Variants in PCDH11X observed in about 807,000 individuals in gnomAD.
PCDH11X encodes the protein protocadherin-11 X-linked.
In PCDH11X, 18 loss-of-function variants were observed where a neutral mutation model predicts 53.3. The ratio of observed to expected loss-of-function variants is 0.34; its 90% CI spans 0.23 to 0.50. The LOEUF (loss-of-function observed/expected upper bound fraction) is 0.50. PCDH11X is among the 20% of genes least tolerant of loss of function. PCDH11X has a pLI of 0.98. For synonymous variants in PCDH11X, 279 were observed against 393.3 expected, an observed-to-expected ratio of 0.71 and a Z score of 3.44; for missense variants, 570 against 1,032.4, an observed-to-expected ratio of 0.55 and a Z score of 6.14.
At chrX:92,565,718 T>C (rs1921393738) in intron 10 of PCDH11X, among the ~76,000 whole-genome samples, 1 of 107,689 alleles carries the variant, frequency 9.3e-6, no homozygotes, top group East Asian at 2.9e-4. Flanking sequence ...TAAGACCTAC[T>C]ATTTGATAGA....
chrX:92,100,367 G>T (rs377452519), intron 6 of PCDH11X, among the ~76,000 whole-genome samples: 1 of 110,390 alleles, frequency 9.1e-6, no homozygotes, highest in African/African-American at 3.3e-5. Context: ...GGGTGGGGCC[G>T]TTTGATAGGA....
Position 92,581,900 on chromosome X carries a change from G to A in PCDH11X, c.3368-36364G>A, listed in dbSNP as rs747940776. Among the ~76,000 whole-genome samples, 9 of 102,378 alleles carry A rather than the reference G, an allele frequency of 8.8e-5. No individual in the cohort carries two copies. The South Asian group carries it at 4.3e-3, about 49-fold the overall frequency. The allele number at this position is 102,378 out of a possible 115,157, so 88.9% of individuals were successfully genotyped here. ...GGAACTTGTTGAACACTGGAGTAAA[G>A]GTGACTCTTGCTATGTTTTAGCAAA... On this transcript the variant is annotated intron_variant, in intron 10 of 10. Transcript: ENST00000682573.
At chrX:91,856,879 C>A (rs1257080026) in intron 5 of PCDH11X, among the ~76,000 whole-genome samples, 1 of 111,743 alleles carries the variant, frequency 8.9e-6, no homozygotes, top group Admixed American at 9.5e-5. Context: ...GATTCCACAT[C>A]TTTGCTATTG....
At position 92,423,654 on chromosome X, in the gene PCDH11X, G is replaced by A. The variant is rs777890999; in HGVS notation, c.3343+35721G>A. ...GATTTAAGTCCTTGTTGCATCTTAA[G>A]TTGATTTTTATAAAAAGTGAGAGAT... is the stretch of plus-strand genomic sequence containing the variant. On this transcript the variant is annotated intron_variant, in intron 9 of 10. Coordinates refer to ENST00000682573, the MANE Select transcript of PCDH11X (RefSeq NM_032968.5). Among the ~76,000 whole-genome samples the A allele has an allele frequency of 6.1e-4, 57 of 93,960 alleles. 9 individuals carry two copies. Among genetic ancestry groups the A allele is most frequent in the South Asian group, 4.2e-3 (9 of 2,147 alleles). The allele number at this position is 93,960 out of a possible 115,157, so 81.6% of individuals were successfully genotyped here.
At chrX:92,613,350 T>A (rs1251581346) in intron 10 of PCDH11X, among the ~76,000 whole-genome samples, 1 of 111,009 alleles carries the variant, frequency 9.0e-6, no homozygotes, top group Admixed American at 9.6e-5. Context: ...CCTTTGCCTA[T>A]GGAACATAGT....
At chrX:92,210,429 C>T (rs190350541) in intron 7 of PCDH11X, among the ~76,000 whole-genome samples, 3 of 107,742 alleles carry the variant, frequency 2.8e-5, no homozygotes, top group Non-Finnish European at 5.7e-5. Context: ...TTAATAGAGA[C>T]GGGGTTTCAC....
At chrX:92,133,523 C>T (rs1411816603) in intron 6 of PCDH11X, among the ~76,000 whole-genome samples, 2 of 111,565 alleles carry the variant, frequency 1.8e-5, no homozygotes, top group South Asian at 3.8e-4. Context: ...CCTGCTACCA[C>T]GCCGGGCTAA....
intron 9 of PCDH11X, among the ~76,000 whole-genome samples, chrX:92,415,234 T>G (rs752914744): frequency 8.9e-6 from 1 of 111,819 alleles, no homozygotes; most frequent in Admixed American, 9.5e-5. Flanking sequence ...AGGAAAGTAC[T>G]CTACTGTCTA....
chrX:91,977,170 G>A (rs181819498), intron 6 of PCDH11X, among the ~76,000 whole-genome samples: 6 of 111,567 alleles, frequency 5.4e-5, no homozygotes, highest in Middle Eastern at 4.7e-3. Flanking sequence ...AGGGTTAATT[G>A]TATAAAATTA....
intron 6 of PCDH11X, among the ~76,000 whole-genome samples, chrX:92,138,500 C>T (rs1569381275): frequency 9.2e-6 from 1 of 108,965 alleles, no homozygotes; most frequent in African/African-American, 3.4e-5. Flanking sequence ...TAAATATAAA[C>T]ATAAAATTAA....
At chrX:91,924,913 A>G (rs1376413334) in intron 6 of PCDH11X, among the ~76,000 whole-genome samples, 1 of 110,753 alleles carries the variant, frequency 9.0e-6, no homozygotes, top group East Asian at 2.9e-4. Context: ...ACTAAGAAAT[A>G]TATTAGTATC....
intron 10 of PCDH11X, among the ~76,000 whole-genome samples, chrX:92,543,049 A>T (rs1013915729): frequency 5.5e-5 from 6 of 108,864 alleles, no homozygotes; most frequent in African/African-American, 2.0e-4. Context: ...AGATTATAAC[A>T]CCACTCACTT....
chrX:92,230,882 A>G (rs1179855319), intron 7 of PCDH11X, among the ~76,000 whole-genome samples: 3 of 110,484 alleles, frequency 2.7e-5, no homozygotes, highest in African/African-American at 9.9e-5. Context: ...TGGTAGCCAT[A>G]CTACAGGAGA....
chrX:92,111,912 T>A (rs1267137795), intron 6 of PCDH11X, among the ~76,000 whole-genome samples: 4 of 109,195 alleles, frequency 3.7e-5, no homozygotes, highest in Non-Finnish European at 7.6e-5. Flanking sequence ...GCCCGCCACC[T>A]CGCCCGGCTA....
chrX:91,824,737 G>A (rs1379679239), intron 4 of PCDH11X, among the ~76,000 whole-genome samples: 5 of 108,663 alleles, frequency 4.6e-5, no homozygotes, highest in African/African-American at 1.8e-4. Flanking sequence ...TTCTTTTGGA[G>A]GAGGAGAGGC....
At chrX:91,971,072 A>G (rs1368686655) in intron 6 of PCDH11X, among the ~76,000 whole-genome samples, 1 of 111,669 alleles carries the variant, frequency 9.0e-6, no homozygotes, top group Non-Finnish European at 1.9e-5. Flanking sequence ...CTCTTTACTT[A>G]TTTTCACTAT....
intron 10 of PCDH11X, among the ~76,000 whole-genome samples, chrX:92,481,436 G>A (rs1349968622): frequency 1.8e-5 from 2 of 111,354 alleles, no homozygotes; most frequent in Non-Finnish European, 3.8e-5. Context: ...AGGGAGGGAG[G>A]GTGTGAGCTA....
At chrX:92,131,495 C>A (rs35930953) in intron 6 of PCDH11X, among the ~76,000 whole-genome samples, 1 of 111,390 alleles carries the variant, frequency 9.0e-6, no homozygotes, top group Non-Finnish European at 1.9e-5. Flanking sequence ...TGCAGATGAA[C>A]TGGGAAGGAA....
At chrX:92,315,184 A>G (rs1194181065) in intron 8 of PCDH11X, among the ~76,000 whole-genome samples, 2 of 111,916 alleles carry the variant, frequency 1.8e-5, no homozygotes, top group Non-Finnish European at 1.9e-5. Context: ...ATGCTCATAG[A>G]CGCACTGTAA....
Sources: gnomAD v4.1 joint callset for allele counts (sites outside exome capture counted in the v4.1 genomes callset) on GRCh38, gnomAD v4.1.1 for gene constraint, MANE v1.5 for transcripts, NCBI Gene and HGNC (gene_info 2026-07-23, HGNC 2026-07-21) for gene names.